The following MRTFA variants were observed in gnomAD, a reference collection of about 807,000 sequenced individuals.
The protein encoded by MRTFA is myocardin-related transcription factor A.
MRTFA carries 20 observed loss-of-function variants against 83.5 expected under a neutral mutation model. That is an observed-to-expected ratio of 0.24 (90% CI 0.17 to 0.35). MRTFA has a LOEUF of 0.35. Ranked by LOEUF, MRTFA falls within the 10% of genes least tolerant of loss-of-function variation. The pLI, the probability that MRTFA is intolerant of heterozygous loss-of-function variation, is 1.00. For missense variants in MRTFA, 1,200 were observed against 1,224.7 expected (o/e 0.98, Z 0.30); for synonymous variants, 659 against 541.2 (o/e 1.22, Z -3.02).
chr22:40,453,264 G>A (rs923809504), intron 4 of MRTFA, among the ~76,000 whole-genome samples: 1 of 152,146 alleles, frequency 6.6e-6, no homozygotes, highest in East Asian at 1.9e-4. Flanking sequence ...CTGTAGTGAG[G>A]ACACATCATC....
rs2055845237 is a variant in MRTFA, at chr22:40,574,757, T to C, written c.-22+19917A>G. Among the ~76,000 whole-genome samples, 3 of 152,218 alleles carry C rather than the reference T, an allele frequency of 2.0e-5. No homozygotes were observed. In the South Asian group the frequency reaches 6.2e-4, roughly 32 times the overall value. On this transcript the variant is annotated intron_variant, in intron 2 of 14. Coordinates refer to ENST00000355630, the MANE Select transcript of MRTFA (RefSeq NM_020831.6). ...CTTGTATTAGTTATTATAAATAATC[T>C]AGAGATGATGTGAAGTATATGGGAG... is the stretch of plus-strand genomic sequence containing the variant.
At chr22:40,554,599 T>G (rs750456967) in intron 2 of MRTFA, among the ~76,000 whole-genome samples, 2 of 152,096 alleles carry the variant, frequency 1.3e-5, no homozygotes, top group African/African-American at 2.4e-5. Context: ...GAACTGTGAG[T>G]CAATTAAACC....
At position 40,535,348 on chromosome 22, in the gene MRTFA, C is replaced by CT. The variant is rs531303160; in HGVS notation, c.241+16757dup. Among the ~76,000 whole-genome samples, 866 of 107,114 alleles carry CT rather than the reference C, an allele frequency of 8.1e-3. 80 individuals carry two copies. The highest frequency in any genetic ancestry group is 0.06 in the South Asian group (216 of 3,580). 70.3% of individuals were successfully genotyped at this position (107,114 alleles called of 152,430 possible). A position where few individuals can be genotyped will look rare whatever the true frequency, so the allele number is the denominator to read the frequency against. ...TAATTTGCTGTGTGAGAGGTTTTTTCTTTTTTTTTTTTTTTTTCTTTTTGA... is the reference window on the plus strand; with the variant it reads ...TAATTTGCTGTGTGAGAGGTTTTTTCTTTTTTTTTTTTTTTTTTCTTTTTGA... On this transcript the variant is annotated intron_variant, in intron 3 of 14. Coordinates refer to ENST00000355630, the MANE Select transcript of MRTFA (RefSeq NM_020831.6).
At chr22:40,614,526 T>C (rs2056427230) in intron 1 of MRTFA, among the ~76,000 whole-genome samples, 1 of 152,228 alleles carries the variant, frequency 6.6e-6, no homozygotes, top group South Asian at 2.1e-4. Flanking sequence ...TTCGCTCTCG[T>C]TACCAGACTG....
chr22:40,567,952 A>T lies in MRTFA; in HGVS notation c.-21-15585T>A, dbSNP rs376316820. Among the ~76,000 whole-genome samples the T allele has an allele frequency of 2.0e-5, 3 of 152,354 alleles. No individual in the cohort carries two copies. In the South Asian group the frequency reaches 6.2e-4, roughly 32 times the overall value. ...AAATGAACCATGAATATTTTCCTAA[A>T]TTCTTGAGCAAATATTTTTAAAATA... is the stretch of plus-strand genomic sequence containing the variant. On this transcript the variant is annotated intron_variant, in intron 2 of 14. Coordinates refer to ENST00000355630, the MANE Select transcript of MRTFA (RefSeq NM_020831.6).
chr22:40,433,741 G>A (rs541620661), intron 5 of MRTFA: 1 of 152,318 alleles, frequency 6.6e-6, no homozygotes, highest in Non-Finnish European at 1.5e-5. Context: ...AAAGCTTTAA[G>A]CTTTTAGAAT....
In MRTFA at chr22:40,517,435, G is replaced by A. The variant is rs146556316; in HGVS notation, c.241+34671C>T. Among the ~76,000 whole-genome samples, 566 of 152,228 alleles carry A rather than the reference G, an allele frequency of 3.7e-3. 1 individual carries two copies. Among genetic ancestry groups the A allele is most frequent in the African/African-American group, 0.013 (544 of 41,532 alleles). ...ACATACAGGGTCCGAAAAAGGGCTT[G>A]AAGTTCACATGAAAGGCAATATAGT... On this transcript the variant is annotated intron_variant, in intron 3 of 14. Transcript: ENST00000355630.
intron 4 of MRTFA, among the ~76,000 whole-genome samples, chr22:40,448,721 A>G (rs908446836): frequency 7.9e-5 from 12 of 152,346 alleles, no homozygotes; most frequent in African/African-American, 2.4e-4. Context: ...CACAGCAGAA[A>G]AGAGAGTCAC....
At chr22:40,412,247 C>A in intron 14 of MRTFA, 1 of 173,054 alleles carries the variant, frequency 5.8e-6, no homozygotes, top group Non-Finnish European at 1.2e-5. Context: ...AGCTCAATAT[C>A]ACTAGTCATG....
intron 3 of MRTFA, among the ~76,000 whole-genome samples, chr22:40,515,221 A>T (rs2054738025): frequency 6.6e-6 from 1 of 151,874 alleles, no homozygotes. Context: ...CCAATATTTC[A>T]TATTCATTTA....
At chr22:40,420,120 G>A (rs1383114482) in intron 11 of MRTFA, among the ~76,000 whole-genome samples, 1 of 152,244 alleles carries the variant, frequency 6.6e-6, no homozygotes, top group East Asian at 1.9e-4. Flanking sequence ...GTAAGTCGAG[G>A]AAGATAAGAG....
Position 40,500,573 on chromosome 22 carries a change from C to A in MRTFA, c.242-37287G>T, listed in dbSNP as rs1385817006. Reference sequence around the variant, plus strand: ...CAGTGTTTGTGTCCCTGATTACTTGCGATTAGGGATTGGTGGTGACTCTTA... The same window carrying A: ...CAGTGTTTGTGTCCCTGATTACTTGAGATTAGGGATTGGTGGTGACTCTTA... On this transcript the variant is annotated intron_variant, in intron 3 of 14. Transcript: ENST00000355630. Among the ~76,000 whole-genome samples the A allele has an allele frequency of 3.3e-5, 5 of 151,968 alleles. 1 individual carries two copies. Among genetic ancestry groups the A allele is most frequent in the East Asian group, 3.9e-4 (2 of 5,152 alleles).
intron 2 of MRTFA, among the ~76,000 whole-genome samples, chr22:40,572,321 T>C (rs1179375122): frequency 6.6e-6 from 1 of 152,206 alleles, no homozygotes; most frequent in Non-Finnish European, 1.5e-5. Flanking sequence ...CATCAAATTG[T>C]ACACTTTGCC....
At chr22:40,616,053 T>C (rs1212703420) in intron 1 of MRTFA, among the ~76,000 whole-genome samples, 3 of 152,240 alleles carry the variant, frequency 2.0e-5, no homozygotes, top group Non-Finnish European at 4.4e-5. Flanking sequence ...TCCCTAAGTA[T>C]ACACATTTTT....
At chr22:40,587,632 G>C (rs2056051343) in intron 2 of MRTFA, 1 of 303,190 alleles carries the variant, frequency 3.3e-6, no homozygotes, top group African/African-American at 2.3e-5. Context: ...AGAACAGATA[G>C]CATATTGTTT....
intron 1 of MRTFA, among the ~76,000 whole-genome samples, chr22:40,595,965 G>A (rs2056187205): frequency 6.7e-6 from 1 of 149,052 alleles, no homozygotes; most frequent in African/African-American, 2.5e-5. Context: ...CAACCTCCTG[G>A]GATCACATAA....
At position 40,423,647 on chromosome 22, in the gene MRTFA, TTC is replaced by T; in HGVS notation, c.814_815del (p.Glu272AsnfsTer37). On this transcript the variant is annotated frameshift_variant, in exon 9 of 15. Transcript: ENST00000355630. LOFTEE classifies it high-confidence loss of function. ...GAGGCTGCTCTGCCAGGAAAAGCAT[TTC>T]TCTGGAATCCCGGCCCATCGGAAGT... The T allele has an allele frequency of 6.3e-7, 1 of 1,586,128 alleles. No homozygotes were observed. Among genetic ancestry groups the T allele is most frequent in the South Asian group, 1.2e-5 (1 of 86,668 alleles).
chr22:40,410,778 C>A lies in MRTFA; in HGVS notation c.*612G>T, dbSNP rs1017831993. ...GGGAGTTGCACCCATCTCCTGTCCGCCCCCCCCCAAAAATATATATGTATG... is the reference window on the plus strand; with the variant it reads ...GGGAGTTGCACCCATCTCCTGTCCGACCCCCCCCAAAAATATATATGTATG... On this transcript the variant is annotated 3_prime_UTR_variant, in exon 15 of 15. Transcript: ENST00000355630. 4.6e-6 allele frequency: 1 copy of A among 215,348 alleles called. No homozygotes were observed. Among genetic ancestry groups the A allele is most frequent in the Admixed American group, 5.9e-5 (1 of 16,858 alleles). 13.3% of individuals were successfully genotyped at this position (215,348 alleles called of 1,614,324 possible). A position where few individuals can be genotyped will look rare whatever the true frequency, so the allele number is the denominator to read the frequency against.
chr22:40,494,131 A>G (rs2054312845), intron 3 of MRTFA, among the ~76,000 whole-genome samples: 1 of 152,244 alleles, frequency 6.6e-6, no homozygotes. Flanking sequence ...TTTCACTACC[A>G]AATTATATTA....
Sources: allele counts gnomAD v4.1 joint callset (sites outside exome capture counted in the v4.1 genomes callset), GRCh38; gene constraint gnomAD v4.1.1; transcripts MANE v1.5; gene names NCBI Gene and HGNC (gene_info 2026-07-23, HGNC 2026-07-21).